Variants in RBMS3 observed in about 807,000 individuals in gnomAD.
RBMS3 encodes RNA binding motif single stranded interacting protein 3.
In RBMS3, 27 loss-of-function variants were observed where a neutral mutation model predicts 66.8. The ratio of observed to expected loss-of-function variants is 0.40; its 90% CI spans 0.30 to 0.56. RBMS3 has a LOEUF of 0.56. Ranked by LOEUF, RBMS3 falls within the 20% of genes least tolerant of loss-of-function variation. RBMS3 has a pLI of 0.40. For synonymous variants in RBMS3, 188 were observed against 183.0 expected (o/e 1.03, Z -0.22); for missense variants, 513 against 549.5 (o/e 0.93, Z 0.66).
intron 8 of RBMS3, among the ~76,000 whole-genome samples, chr3:29,894,964 G>A (rs190206020): frequency 6.6e-6 from 1 of 151,684 alleles, no homozygotes; most frequent in Admixed American, 6.6e-5. Context: ...AAGAAAGTCA[G>A]TTTGGTTCAA....
chr3:29,989,802 G>T (rs557181549), intron 13 of RBMS3, among the ~76,000 whole-genome samples: 2 of 151,974 alleles, frequency 1.3e-5, no homozygotes, highest in Admixed American at 1.3e-4. Context: ...ATGTTCTTTG[G>T]TATATTTAGC....
At chr3:29,979,973 A>T (rs2149780017) in intron 12 of RBMS3, among the ~76,000 whole-genome samples, 1 of 152,254 alleles carries the variant, frequency 6.6e-6, no homozygotes, top group South Asian at 2.1e-4. Context: ...GCTGGGTCAA[A>T]TTGTATTTCT....
intron 1 of RBMS3, among the ~76,000 whole-genome samples, chr3:29,310,415 A>G (rs2034301610): frequency 6.6e-6 from 1 of 151,720 alleles, no homozygotes; most frequent in Non-Finnish European, 1.5e-5. Context: ...AGAGACTGTT[A>G]TTAAATGCAT....
chr3:29,630,946 C>T lies in RBMS3; in HGVS notation c.399+43741C>T, dbSNP rs569257855. 2.7e-3 allele frequency among the ~76,000 whole-genome samples: 411 copies of T among 151,974 alleles called. 4 individuals are homozygous for T. The highest frequency in any genetic ancestry group is 9.4e-3 in the African/African-American group (389 of 41,510). On this transcript the variant is annotated intron_variant, in intron 4 of 14. Transcript: ENST00000383767. ...AGTTTTCTTGTTTTAGGATTGGTTT[C>T]AAAACCATAACTTCACTCTTATTTC... is the stretch of plus-strand genomic sequence containing the variant.
chr3:29,930,257 G>A (rs1383013836), intron 10 of RBMS3, among the ~76,000 whole-genome samples: 4 of 150,864 alleles, frequency 2.7e-5, no homozygotes, highest in Middle Eastern at 3.4e-3. Flanking sequence ...GACTACAGGC[G>A]CCTACCACCA....
intron 13 of RBMS3, among the ~76,000 whole-genome samples, chr3:29,990,460 C>CAAAAAAAAAAAAAAAAAAAAAAAAAAA (rs10596526): frequency 9.4e-6 from 1 of 106,514 alleles, no homozygotes; most frequent in Non-Finnish European, 1.9e-5. Flanking sequence ...CTGTGAGAAA[C>CAAAAAAAAAAAAAAAAAAAAAAAAAAA]AAAAAAAAAA....
chr3:29,938,454 T>C (rs188140941), intron 11 of RBMS3, among the ~76,000 whole-genome samples: 9 of 152,100 alleles, frequency 5.9e-5, no homozygotes, highest in African/African-American at 9.6e-5. Context: ...CATTACCTGA[T>C]GTTATGGAAA....
chr3:29,549,836 A>AT (rs1327436709), intron 3 of RBMS3, among the ~76,000 whole-genome samples: 18 of 152,164 alleles, frequency 1.2e-4, no homozygotes, highest in African/African-American at 4.1e-4. Context: ...GCAGTAAAAT[A>AT]TTTTTTTCTA....
At chr3:29,439,727 T>C (rs1575818761) in intron 2 of RBMS3, among the ~76,000 whole-genome samples, 1 of 152,230 alleles carries the variant, frequency 6.6e-6, no homozygotes, top group East Asian at 1.9e-4. Flanking sequence ...CATTTAGCAT[T>C]AGGTATATCT....
chr3:29,688,628 G>C (rs1268763120), intron 4 of RBMS3, among the ~76,000 whole-genome samples: 1 of 124,468 alleles, frequency 8.0e-6, no homozygotes, highest in Non-Finnish European at 1.6e-5. Flanking sequence ...CTGTCACCAG[G>C]CTGGAGTGCA....
chr3:29,282,051 G>A (rs573231793), intron 1 of RBMS3, among the ~76,000 whole-genome samples: 78 of 152,282 alleles, frequency 5.1e-4, no homozygotes, highest in African/African-American at 1.8e-3. Flanking sequence ...GTCTTTTGCA[G>A]ATGGGCACGG....
intron 1 of RBMS3, among the ~76,000 whole-genome samples, chr3:29,295,291 ATATACATATATATC>A (rs1241060010): frequency 2.8e-3 from 11 of 3,870 alleles, no homozygotes; most frequent in African/African-American, 8.5e-3. Flanking sequence ...ATATATATAT[ATATACATATATATC>A]TATATATATA....
chr3:30,000,041 A>G (rs1019842874), intron 14 of RBMS3, among the ~76,000 whole-genome samples: 2 of 152,056 alleles, frequency 1.3e-5, no homozygotes, highest in African/African-American at 4.8e-5. Flanking sequence ...AAACTAGACA[A>G]ATGGGATCTA....
chr3:29,528,963 C>T (rs756765621), intron 3 of RBMS3, among the ~76,000 whole-genome samples: 1 of 151,914 alleles, frequency 6.6e-6, no homozygotes, highest in South Asian at 2.1e-4. Flanking sequence ...AGGCTGGTCT[C>T]GAACTCCTGA....
At chr3:29,480,576 CTG>C (rs2043095754) in intron 2 of RBMS3, among the ~76,000 whole-genome samples, 1 of 152,156 alleles carries the variant, frequency 6.6e-6, no homozygotes, top group Non-Finnish European at 1.5e-5. Flanking sequence ...ATGCTAGTAA[CTG>C]AATATTTTTA....
At chr3:29,992,306 G>A (rs2149804531) in intron 14 of RBMS3, among the ~76,000 whole-genome samples, 1 of 152,296 alleles carries the variant, frequency 6.6e-6, no homozygotes, top group South Asian at 2.1e-4. Flanking sequence ...TAGGTATTAG[G>A]CCGGGCGCAG....
intron 4 of RBMS3, among the ~76,000 whole-genome samples, chr3:29,676,515 G>T (rs1451224237): frequency 3.3e-5 from 5 of 152,072 alleles, no homozygotes; most frequent in Non-Finnish European, 7.3e-5. Context: ...TCATATTACT[G>T]CTTCTACATT....
At chr3:29,640,457 G>A (rs545118705) in intron 4 of RBMS3, among the ~76,000 whole-genome samples, 28 of 151,268 alleles carry the variant, frequency 1.9e-4, no homozygotes, top group Admixed American at 7.3e-4. Flanking sequence ...GAAGATAAGC[G>A]AAGTTTGATA....
At chr3:29,526,620 G>C (rs1286277539) in intron 3 of RBMS3, among the ~76,000 whole-genome samples, 1 of 145,900 alleles carries the variant, frequency 6.9e-6, no homozygotes, top group Non-Finnish European at 1.5e-5. Context: ...AATTCTGAGA[G>C]GGATTTTAGA....
Sources: allele counts gnomAD v4.1 joint callset (sites outside exome capture counted in the v4.1 genomes callset), GRCh38; gene constraint gnomAD v4.1.1; transcripts MANE v1.5; gene names NCBI Gene and HGNC (gene_info 2026-07-23, HGNC 2026-07-21).